SLC22A3: variants seen among roughly 807,000 people sequenced by gnomAD.
SLC22A3 encodes solute carrier family 22 member 3.
SLC22A3 carries 51 observed loss-of-function variants against 59.1 expected under a neutral mutation model. The ratio of observed to expected loss-of-function variants is 0.86; its 90% CI spans 0.69 to 1.09. The LOEUF (loss-of-function observed/expected upper bound fraction) is 1.09. Ranked by LOEUF, SLC22A3 falls within the 50% of genes least tolerant of loss-of-function variation. SLC22A3 has a pLI of 0.00. For synonymous variants in SLC22A3, 325 were observed against 292.0 expected (o/e 1.11, Z -1.15); for missense variants, 711 against 726.3 (o/e 0.98, Z 0.24).
chr6:160,406,915 CTT>C (rs1220124952), intron 2 of SLC22A3, 124 bp from the exon 3 acceptor site: 1 of 1,159,338 alleles, frequency 8.6e-7, no homozygotes, highest in African/African-American at 1.6e-5. Flanking sequence ...TACAAAACAT[CTT>C]TAAAATAAAA....
Position 160,451,051 on chromosome 6 carries a change from C to T in SLC22A3, c.1666C>T (p.Leu556Phe). 1 of 1,592,088 alleles carries T rather than the reference C, an allele frequency of 6.3e-7. No homozygotes were observed. The highest frequency in any genetic ancestry group is 1.7e-4 in the Middle Eastern group (1 of 6,028). Residue 556 changes from leucine to phenylalanine, a missense_variant, in exon 11 of 11, where the codon CTT becomes TTT. By Grantham distance (22) the Leu-to-Phe change is conservative. Coordinates refer to ENST00000275300, the MANE Select transcript of SLC22A3 (RefSeq NM_021977.4). The part of the protein sequence containing the change: ...NKKTPVSRSH[L>F] ...GAAAACCCCAGTTTCCCGCTCTCAC[C>T]TTTGAGGCCCCCGACAAAGACAGAA... is the stretch of plus-strand genomic sequence containing the variant.
rs550902301 is a variant in SLC22A3, at chr6:160,369,772, G to A, written c.429+20924G>A. On this transcript the variant is annotated intron_variant, in intron 1 of 10. Transcript: ENST00000275300. ...GAAATTCTACTTACTATTGTTGTGC[G>A]ACAAATTATCTCAAAACGTAGTGAT... Among the ~76,000 whole-genome samples, 27 of 152,236 alleles carry A rather than the reference G, an allele frequency of 1.8e-4. No individual in the cohort carries two copies. In the South Asian group the frequency reaches 4.8e-3, roughly 27 times the overall value.
chr6:160,440,864 T>A (rs2114921143), intron 7 of SLC22A3, among the ~76,000 whole-genome samples: 1 of 152,246 alleles, frequency 6.6e-6, no homozygotes, highest in East Asian at 1.9e-4. Context: ...ACAGACCACA[T>A]CTCCACAAAT....
chr6:160,417,247 C>G (rs1787535045), intron 5 of SLC22A3, among the ~76,000 whole-genome samples: 1 of 152,170 alleles, frequency 6.6e-6, no homozygotes, highest in African/African-American at 2.4e-5. Flanking sequence ...CCTGACAGCC[C>G]TCTTGCTCCT....
At chr6:160,388,163 C>A (rs773589951) in intron 1 of SLC22A3, among the ~76,000 whole-genome samples, 9 of 152,270 alleles carry the variant, frequency 5.9e-5, no homozygotes, top group Non-Finnish European at 1.2e-4. Context: ...TTATTCTAAG[C>A]CACTAAGTTG....
chr6:160,430,015 T>C (rs1258747198), intron 5 of SLC22A3, among the ~76,000 whole-genome samples: 1 of 152,060 alleles, frequency 6.6e-6, no homozygotes, highest in African/African-American at 2.4e-5. Flanking sequence ...ATAAGATTAA[T>C]GTTGACAGCC....
chr6:160,360,603 C>T (rs1784981453), intron 1 of SLC22A3, among the ~76,000 whole-genome samples: 1 of 152,160 alleles, frequency 6.6e-6, no homozygotes, highest in Admixed American at 6.5e-5. Flanking sequence ...TAAAGTCCAG[C>T]ATTAGTCAAA....
Position 160,444,450 on chromosome 6 carries a change from G to A in SLC22A3, c.1510+708G>A, listed in dbSNP as rs139210372. Among the ~76,000 whole-genome samples, 1,183 of 152,228 alleles carry A rather than the reference G, an allele frequency of 7.8e-3. 18 individuals carry two copies. Among genetic ancestry groups the A allele is most frequent in the African/African-American group, 0.027 (1,114 of 41,530 alleles). The stretch of plus-strand genomic sequence containing the variant: ...ATGGATATCATATCTTCATTGGCCC[G>A]ATGCTAAAAATCCATGTGGAGGGAG... On this transcript the variant is annotated intron_variant, in intron 9 of 10. Transcript: ENST00000275300.
chr6:160,394,703 G>A (rs1039209269), intron 1 of SLC22A3, among the ~76,000 whole-genome samples: 11 of 152,256 alleles, frequency 7.2e-5, no homozygotes, highest in East Asian at 1.9e-4. Context: ...TAATAAAAGC[G>A]TTAGGATTTG....
chr6:160,397,050 A>G (rs761864399), intron 1 of SLC22A3, among the ~76,000 whole-genome samples: 8 of 152,192 alleles, frequency 5.3e-5, no homozygotes, highest in Non-Finnish European at 1.2e-4. Flanking sequence ...ACCTGATAGC[A>G]TATAATATTC....
At chr6:160,362,905 C>A (rs1785067653) in intron 1 of SLC22A3, among the ~76,000 whole-genome samples, 1 of 152,176 alleles carries the variant, frequency 6.6e-6, no homozygotes, top group Non-Finnish European at 1.5e-5. Context: ...CAGGAGGGTG[C>A]ACGAGAACGT....
chr6:160,412,144 C>T (rs201466265), intron 5 of SLC22A3, among the ~76,000 whole-genome samples: 2 of 152,004 alleles, frequency 1.3e-5, no homozygotes, highest in Non-Finnish European at 2.9e-5. Flanking sequence ...GGTGGATCAC[C>T]TGAGGTCAGG....
intron 1 of SLC22A3, among the ~76,000 whole-genome samples, chr6:160,363,347 C>A (rs887015713): frequency 6.6e-6 from 1 of 152,212 alleles, no homozygotes; most frequent in Non-Finnish European, 1.5e-5. Flanking sequence ...ATGAGTCCCA[C>A]GTGACCGGCA....
intron 5 of SLC22A3, among the ~76,000 whole-genome samples, chr6:160,430,295 C>A (rs1487672531): frequency 6.6e-6 from 1 of 152,034 alleles, no homozygotes; most frequent in Non-Finnish European, 1.5e-5. Flanking sequence ...GTTTAAGTAA[C>A]ATGCTAGTAA....
chr6:160,431,696 G>T (rs368012075), intron 5 of SLC22A3, among the ~76,000 whole-genome samples: 6 of 152,196 alleles, frequency 3.9e-5, no homozygotes, highest in African/African-American at 1.4e-4. Context: ...TTTTTATGGA[G>T]TGGATTGGAG....
chr6:160,348,502 C>T lies in SLC22A3; in HGVS notation c.83C>T (p.Thr28Met). Residue 28 changes from threonine (T) to methionine (M), a missense_variant, in exon 1 of 11, where the codon ACG becomes ATG. Thr to Met is a moderately conservative substitution (Grantham distance 81, BLOSUM62 -1). Coordinates refer to ENST00000275300, the MANE Select transcript of SLC22A3 (RefSeq NM_021977.4). ...QRRVFLLLCL[T>M]GVTFAFLFVG... Reference sequence around the variant, plus strand: ...CGCGTGTTTTTGCTGCTGTGCCTGACGGGCGTCACCTTCGCCTTCCTCTTC... The same window carrying T: ...CGCGTGTTTTTGCTGCTGTGCCTGATGGGCGTCACCTTCGCCTTCCTCTTC... The T allele has an allele frequency of 1.3e-6, 2 of 1,563,112 alleles. No individual in the cohort carries two copies. The highest frequency in any genetic ancestry group is 1.7e-6 in the Non-Finnish European group (2 of 1,161,580).
At chr6:160,424,174 C>T (rs1562495582) in intron 5 of SLC22A3, among the ~76,000 whole-genome samples, 1 of 152,120 alleles carries the variant, frequency 6.6e-6, no homozygotes, top group Non-Finnish European at 1.5e-5. Flanking sequence ...CAGTGGGCCA[C>T]AGATCCTAGG....
chr6:160,412,218 C>T (rs943933767), intron 5 of SLC22A3, among the ~76,000 whole-genome samples: 2 of 152,012 alleles, frequency 1.3e-5, no homozygotes, highest in African/African-American at 4.8e-5. Flanking sequence ...GAAAAATTAG[C>T]GAGGAGTGGA....
intron 1 of SLC22A3, among the ~76,000 whole-genome samples, chr6:160,386,772 C>T (rs1786035876): frequency 6.6e-6 from 1 of 152,218 alleles, no homozygotes; most frequent in Admixed American, 6.5e-5. Flanking sequence ...GCACTTACCC[C>T]AAGGCATGGT....
Sources: gnomAD v4.1 joint callset for allele counts (sites outside exome capture counted in the v4.1 genomes callset) on GRCh38, gnomAD v4.1.1 for gene constraint, MANE v1.5 for transcripts, NCBI Gene and HGNC (gene_info 2026-07-23, HGNC 2026-07-21) for gene names.